TMEM117: variants seen among roughly 807,000 people sequenced by gnomAD.
TMEM117 encodes transmembrane protein 117.
A neutral mutation model predicts 52.4 loss-of-function variants in TMEM117; 27 were observed. That is an observed-to-expected ratio of 0.51 (90% CI 0.38 to 0.71). The LOEUF (loss-of-function observed/expected upper bound fraction) is 0.71. TMEM117 is among the 30% of genes least tolerant of loss of function. The probability of loss-of-function intolerance (pLI) is 0.00; values close to 1 mark genes in which losing one functional copy is unlikely to be tolerated. For synonymous variants in TMEM117, 215 were observed against 206.3 expected (o/e 1.04, Z -0.36); for missense variants, 556 against 630.5 (o/e 0.88, Z 1.26).
At chr12:44,127,378 A>G (rs1301263816) in intron 3 of TMEM117, among the ~76,000 whole-genome samples, 2 of 152,078 alleles carry the variant, frequency 1.3e-5, no homozygotes, top group African/African-American at 4.8e-5. Context: ...GACATCTCCA[A>G]TAAAATGACT....
chr12:44,180,064 C>A (rs1949170304), intron 4 of TMEM117, among the ~76,000 whole-genome samples: 2 of 152,030 alleles, frequency 1.3e-5, no homozygotes, highest in African/African-American at 4.8e-5. Flanking sequence ...CACTTCAACT[C>A]ACATTCCAAT....
rs151009805 is a variant in TMEM117, at chr12:44,066,034, A to G, written c.411-77491A>G. 6.4e-3 allele frequency among the ~76,000 whole-genome samples: 980 copies of G among 152,314 alleles called. 14 individuals are homozygous for G. The highest frequency in any genetic ancestry group is 0.022 in the African/African-American group (911 of 41,556). On this transcript the variant is annotated intron_variant, in intron 3 of 7. Transcript: ENST00000266534. ...AGACTAGTGCAGCAGTGGTGCAAGA[A>G]AATTTATGGACAGAAAAAGGAAAGT...
intron 5 of TMEM117, among the ~76,000 whole-genome samples, chr12:44,277,511 GCTGA>G (rs1425715962): frequency 1.8e-4 from 27 of 152,212 alleles, no homozygotes; most frequent in African/African-American, 6.3e-4. Context: ...AAAATTGTCT[GCTGA>G]CTATTTTAAT....
intron 2 of TMEM117, among the ~76,000 whole-genome samples, chr12:43,908,686 G>C (rs1483453716): frequency 6.6e-6 from 1 of 151,906 alleles, no homozygotes; most frequent in Non-Finnish European, 1.5e-5. Context: ...AAAAAGGCAG[G>C]GGTTGCAATC....
At chr12:43,943,327 C>T (rs1945077001) in intron 2 of TMEM117, among the ~76,000 whole-genome samples, 2 of 151,874 alleles carry the variant, frequency 1.3e-5, no homozygotes, top group African/African-American at 4.8e-5. Flanking sequence ...TGGGAGAAGC[C>T]AGGGTGACCT....
At chr12:44,367,881 C>T in intron 6 of TMEM117, among the ~76,000 whole-genome samples, 1 of 152,152 alleles carries the variant, frequency 6.6e-6, no homozygotes, top group East Asian at 1.9e-4. Flanking sequence ...CTTCAAAATA[C>T]ACCTTGATCC....
intron 3 of TMEM117, among the ~76,000 whole-genome samples, chr12:44,136,865 C>T (rs191470399): frequency 1.7e-4 from 26 of 152,102 alleles, no homozygotes; most frequent in African/African-American, 5.5e-4. Flanking sequence ...TACAATAACG[C>T]TCTATTCTAA....
intron 3 of TMEM117, among the ~76,000 whole-genome samples, chr12:44,088,331 A>C (rs1947606838): frequency 6.6e-6 from 1 of 152,220 alleles, no homozygotes; most frequent in African/African-American, 2.4e-5. Flanking sequence ...CTGTGAGATT[A>C]ATTAGTATAG....
intron 6 of TMEM117, among the ~76,000 whole-genome samples, chr12:44,345,426 G>A (rs1234328935): frequency 1.3e-5 from 2 of 151,998 alleles, no homozygotes; most frequent in African/African-American, 4.8e-5. Flanking sequence ...GGAGACCTTA[G>A]GTAGGTTACT....
At chr12:43,953,436 AAAT>A (rs1182992881) in intron 3 of TMEM117, among the ~76,000 whole-genome samples, 1 of 152,216 alleles carries the variant, frequency 6.6e-6, no homozygotes, top group Non-Finnish European at 1.5e-5. Flanking sequence ...CATAGACTCA[AAAT>A]AAGGGGATGG....
At chr12:44,294,986 T>A (rs550135995) in intron 5 of TMEM117, among the ~76,000 whole-genome samples, 2 of 152,304 alleles carry the variant, frequency 1.3e-5, no homozygotes, top group Non-Finnish European at 2.9e-5. Context: ...ACTACTGTAA[T>A]GTGTCTCAGA....
intron 4 of TMEM117, among the ~76,000 whole-genome samples, chr12:44,156,963 C>T (rs1460163868): frequency 6.6e-6 from 1 of 152,062 alleles, no homozygotes; most frequent in Non-Finnish European, 1.5e-5. Flanking sequence ...TCCCCTTTTC[C>T]CAAGGCTAGA....
chr12:44,222,585 A>C (rs1030785989), intron 5 of TMEM117, among the ~76,000 whole-genome samples: 2 of 152,150 alleles, frequency 1.3e-5, no homozygotes, highest in African/African-American at 4.8e-5. Context: ...TAGGGGAATA[A>C]GATCCTTGCT....
intron 3 of TMEM117, among the ~76,000 whole-genome samples, chr12:44,134,859 G>C (rs536358514): frequency 3.3e-5 from 5 of 152,030 alleles, no homozygotes; most frequent in Admixed American, 2.0e-4. Context: ...CAAAGATAAG[G>C]TAGGGAACAG....
At chr12:44,087,790 A>G (rs1947597166) in intron 3 of TMEM117, among the ~76,000 whole-genome samples, 3 of 152,192 alleles carry the variant, frequency 2.0e-5, no homozygotes, top group Admixed American at 1.3e-4. Context: ...TGATAAGTTC[A>G]CAAATGTATA....
chr12:44,127,411 G>A (rs180704069), intron 3 of TMEM117, among the ~76,000 whole-genome samples: 9 of 152,016 alleles, frequency 5.9e-5, no homozygotes, highest in Admixed American at 2.0e-4. Flanking sequence ...TCACGGTGGC[G>A]CGTGCCTGTT....
intron 3 of TMEM117, among the ~76,000 whole-genome samples, chr12:43,957,323 T>TA (rs1421014529): frequency 1.3e-5 from 2 of 151,788 alleles, no homozygotes; most frequent in African/African-American, 2.4e-5. Context: ...GAAAAAGCTA[T>TA]AAAAAAGGCA....
At chr12:44,006,865 A>G (rs1946206359) in intron 3 of TMEM117, among the ~76,000 whole-genome samples, 1 of 152,152 alleles carries the variant, frequency 6.6e-6, no homozygotes, top group Non-Finnish European at 1.5e-5. Flanking sequence ...TCTCCCAAAT[A>G]TTCTATTGAT....
the TMEM117 span, among the ~76,000 whole-genome samples, chr12:43,814,839 G>A: frequency 6.7e-6 from 1 of 150,124 alleles, no homozygotes; most frequent in Non-Finnish European, 1.5e-5. Flanking sequence ...CTGCCTCCCA[G>A]GTTCAAGCGA....
Sources: gnomAD v4.1 joint callset for allele counts (sites outside exome capture counted in the v4.1 genomes callset) on GRCh38, gnomAD v4.1.1 for gene constraint, MANE v1.5 for transcripts, NCBI Gene and HGNC (gene_info 2026-07-23, HGNC 2026-07-21) for gene names.